TOX3: variants seen among roughly 807,000 people sequenced by gnomAD.
TOX3 encodes CAG trinucleotide repeat-containing gene F9 protein.
In TOX3, 22 loss-of-function variants were observed where a neutral mutation model predicts 64.3. The ratio of observed to expected loss-of-function variants is 0.34; its 90% confidence interval spans 0.24 to 0.49. TOX3 has a LOEUF of 0.49. Ranked by LOEUF, TOX3 falls within the 20% of genes least tolerant of loss-of-function variation. The pLI, the probability that TOX3 is intolerant of heterozygous loss-of-function variation, is 0.99. For missense variants in TOX3, 661 were observed against 714.4 expected, an observed-to-expected ratio of 0.93 and a Z score of 0.85; for synonymous variants, 291 against 273.6, an observed-to-expected ratio of 1.06 and a Z score of -0.63.
intron 1 of TOX3, among the ~76,000 whole-genome samples, chr16:52,470,313 C>T (rs8046780): frequency 0.036 from 5,429 of 152,192 alleles, 134 homozygotes; most frequent in East Asian, 0.095. Flanking sequence ...ATGAGTATTC[C>T]GTGCACCAGT....
At chr16:52,517,037 A>G (rs909768254) in intron 1 of TOX3, among the ~76,000 whole-genome samples, 1 of 152,078 alleles carries the variant, frequency 6.6e-6, no homozygotes, top group African/African-American at 2.4e-5. Context: ...ACTATAAAGT[A>G]TGCATAAACA....
At chr16:52,522,873 C>T (rs990113626) in intron 1 of TOX3, among the ~76,000 whole-genome samples, 5 of 152,184 alleles carry the variant, frequency 3.3e-5, no homozygotes, top group African/African-American at 4.8e-5. Context: ...ACACACTTTC[C>T]TTCACGTTTA....
At chr16:52,493,124 G>A (rs1196615791) in intron 1 of TOX3, among the ~76,000 whole-genome samples, 2 of 152,186 alleles carry the variant, frequency 1.3e-5, no homozygotes, top group South Asian at 4.2e-4. Context: ...AAAAGAAATA[G>A]GCACCTGGAA....
chr16:52,450,264 A>C lies in TOX3; in HGVS notation c.678+13T>G, dbSNP rs1960293647. 1 of 1,613,836 alleles carries C rather than the reference A, an allele frequency of 6.2e-7. No homozygotes were observed. The highest frequency in any genetic ancestry group is 8.5e-7 in the Non-Finnish European group (1 of 1,179,820). ...TCTCTGGCAGGTTACACACTAAGGCAGTTCTAACTTACTCTGTTGGCTTCA... is the reference window on the plus strand; with the variant it reads ...TCTCTGGCAGGTTACACACTAAGGCCGTTCTAACTTACTCTGTTGGCTTCA... On this transcript the variant is annotated intron_variant, in intron 4 of 6. Coordinates refer to ENST00000219746, the MANE Select transcript of TOX3 (RefSeq NM_001080430.4).
Position 52,547,081 on chromosome 16 carries a change from C to G in TOX3, c.-358G>C. On this transcript the variant is annotated 5_prime_UTR_variant, in exon 1 of 7. Coordinates refer to ENST00000219746, the MANE Select transcript of TOX3 (RefSeq NM_001080430.4). ...GGCGAGGCTGGGACGGCGGCGGCGG[C>G]GGCGGCTGGCCCCGCTCCTCCTCCT... is the stretch of plus-strand genomic sequence containing the variant. The G allele has an allele frequency of 2.4e-6, 1 of 422,398 alleles. No homozygotes were observed. Among genetic ancestry groups the G allele is most frequent in the Non-Finnish European group, 3.1e-6 (1 of 317,746 alleles). The allele number at this position is 422,398 out of a possible 1,614,324, so 26.2% of individuals were successfully genotyped here.
intron 1 of TOX3, among the ~76,000 whole-genome samples, chr16:52,492,380 T>A (rs1472899851): frequency 6.9e-6 from 1 of 144,898 alleles, no homozygotes; most frequent in African/African-American, 2.5e-5. Context: ...CTCACCTCCA[T>A]CCCATCATCA....
chr16:52,541,793 C>T (rs1295465724), intron 1 of TOX3, among the ~76,000 whole-genome samples: 1 of 152,168 alleles, frequency 6.6e-6, no homozygotes. Flanking sequence ...ATCAGTAGCC[C>T]AGCATCTGGA....
chr16:52,542,786 A>G (rs1003342672), intron 1 of TOX3, among the ~76,000 whole-genome samples: 10 of 152,216 alleles, frequency 6.6e-5, no homozygotes, highest in African/African-American at 2.4e-4. Flanking sequence ...AAGAGTTTCA[A>G]TCAAATTCCC....
At chr16:52,440,320 CA>C (rs1959927188) in intron 6 of TOX3, among the ~76,000 whole-genome samples, 1 of 152,146 alleles carries the variant, frequency 6.6e-6, no homozygotes, top group Non-Finnish European at 1.5e-5. Flanking sequence ...GCCAGCCAGC[CA>C]ACTGTGATCA....
At chr16:52,546,453 C>T (rs761718866) in intron 1 of TOX3, among the ~76,000 whole-genome samples, 184 bp downstream of exon 1, 2 of 151,932 alleles carry the variant, frequency 1.3e-5, no homozygotes, top group Non-Finnish European at 2.9e-5. Flanking sequence ...GGACAAAAAG[C>T]GGCGTGGGAT....
At chr16:52,515,316 T>C (rs769039618) in intron 1 of TOX3, among the ~76,000 whole-genome samples, 64 of 152,304 alleles carry the variant, frequency 4.2e-4, no homozygotes, top group Non-Finnish European at 6.2e-4. Context: ...CCCTAGCTCA[T>C]GGTGTTCAAA....
intron 1 of TOX3, among the ~76,000 whole-genome samples, chr16:52,530,581 A>T (rs1317055863): frequency 1.3e-5 from 2 of 151,920 alleles, no homozygotes; most frequent in African/African-American, 4.8e-5. Context: ...TCCTGACCTC[A>T]GGTGATATGC....
rs141619678 is a variant in TOX3 at position 52,462,106 on chromosome 16, T to C, written c.408+1828A>G. On this transcript the variant is annotated intron_variant, in intron 3 of 6. Coordinates refer to ENST00000219746, the MANE Select transcript of TOX3 (RefSeq NM_001080430.4). Reference sequence around the variant, plus strand: ...AAGCCAAAATAAATATCACTCAGGTTCAGCAAAACTTCAAAAAGGCACCAA... The same window carrying C: ...AAGCCAAAATAAATATCACTCAGGTCCAGCAAAACTTCAAAAAGGCACCAA... Among the ~76,000 whole-genome samples, 766 of 152,232 alleles carry C rather than the reference T, an allele frequency of 5.0e-3. 7 individuals carry two copies. The highest frequency in any genetic ancestry group is 0.019 in the South Asian group (94 of 4,828).
chr16:52,526,644 G>A (rs747836593), intron 1 of TOX3, among the ~76,000 whole-genome samples: 1 of 152,110 alleles, frequency 6.6e-6, no homozygotes, highest in Non-Finnish European at 1.5e-5. Context: ...AGCCAGAGAG[G>A]GGACATTGTT....
At chr16:52,489,530 T>G (rs1299026082) in intron 1 of TOX3, among the ~76,000 whole-genome samples, 1 of 152,166 alleles carries the variant, frequency 6.6e-6, no homozygotes, top group Non-Finnish European at 1.5e-5. Flanking sequence ...TTATTTTCAT[T>G]TGGAAACAGT....
chr16:52,513,975 C>T (rs376723849), intron 1 of TOX3, among the ~76,000 whole-genome samples: 2 of 152,078 alleles, frequency 1.3e-5, no homozygotes, highest in African/African-American at 4.8e-5. Context: ...TTGACAGAAA[C>T]CTTGGCTTGG....
At chr16:52,541,138 G>T (rs1963069482) in intron 1 of TOX3, among the ~76,000 whole-genome samples, 1 of 152,086 alleles carries the variant, frequency 6.6e-6, no homozygotes. Flanking sequence ...CAAGGGTAAA[G>T]TCCAAAAGCC....
chr16:52,447,993 T>C (rs1406345144), intron 4 of TOX3, among the ~76,000 whole-genome samples: 1 of 152,210 alleles, frequency 6.6e-6, no homozygotes, highest in Non-Finnish European at 1.5e-5. Flanking sequence ...TTTCATTCTC[T>C]GTAAAACAAT....
rs1038777563 is a variant in TOX3, at chr16:52,437,508, T to C, written c.*1717A>G. 4 of 152,220 alleles carry C rather than the reference T, an allele frequency of 2.6e-5. No individual in the cohort carries two copies. Among genetic ancestry groups the C allele is most frequent in the Non-Finnish European group, 5.9e-5 (4 of 68,032 alleles). The allele number at this position is 152,220 out of a possible 1,614,324, so 9.4% of individuals were successfully genotyped here. A position where few individuals can be genotyped will look rare whatever the true frequency, so the allele number is the denominator to read the frequency against. On this transcript the variant is annotated 3_prime_UTR_variant, in exon 7 of 7. Transcript: ENST00000219746. ...TTTAAGACTGTTGCCAGTGGTAATT[T>C]GCAATTTTTATCAAGACCTCTTCAT...
Sources: allele counts gnomAD v4.1 joint callset (sites outside exome capture counted in the v4.1 genomes callset), GRCh38; gene constraint gnomAD v4.1.1; transcripts MANE v1.5; gene names NCBI Gene and HGNC (gene_info 2026-07-23, HGNC 2026-07-21).